Variants in FHIT observed in about 807,000 individuals in gnomAD.
FHIT encodes bis(5'-adenosyl)-triphosphatase.
In FHIT, 19 loss-of-function variants were observed where a neutral mutation model predicts 17.9. The ratio of observed to expected loss-of-function variants is 1.06; its 90% CI spans 0.74 to 1.56. The LOEUF is 1.56. Ranked by LOEUF, FHIT falls within the 40% of genes most tolerant of loss-of-function variation. The pLI is 0.00. For synonymous variants in FHIT, 81 were observed against 69.7 expected, an observed-to-expected ratio of 1.16 and a Z score of -0.81; for missense variants, 248 against 189.2, an observed-to-expected ratio of 1.31 and a Z score of -1.82.
chr3:60,170,481 ATCAT>A (rs1701369298), intron 5 of FHIT, among the ~76,000 whole-genome samples: 1 of 152,208 alleles, frequency 6.6e-6, no homozygotes, highest in Non-Finnish European at 1.5e-5. Context: ...ATGTGAAGAA[ATCAT>A]TCTAAGTACA....
chr3:60,230,462 G>A (rs1704439369), intron 5 of FHIT, among the ~76,000 whole-genome samples: 1 of 152,074 alleles, frequency 6.6e-6, no homozygotes, highest in Non-Finnish European at 1.5e-5. Flanking sequence ...TTGCTCTGGT[G>A]TAAAGATTTT....
At chr3:60,614,940 C>G (rs2038907970) in intron 4 of FHIT, among the ~76,000 whole-genome samples, 1 of 148,680 alleles carries the variant, frequency 6.7e-6, no homozygotes, top group Non-Finnish European at 1.5e-5. Context: ...AGCAATTCTC[C>G]TGCCTCAGTC....
chr3:60,841,812 AT>A (rs572116136), intron 3 of FHIT, among the ~76,000 whole-genome samples: 77 of 152,344 alleles, frequency 5.1e-4, no homozygotes, highest in African/African-American at 1.7e-3. Flanking sequence ...ATTTAAAAAA[AT>A]ATATACAAAT....
At chr3:60,244,358 T>C (rs1705284880) in intron 5 of FHIT, among the ~76,000 whole-genome samples, 1 of 152,030 alleles carries the variant, frequency 6.6e-6, no homozygotes, top group Non-Finnish European at 1.5e-5. Context: ...CACACAATTG[T>C]CACTTTCTAA....
intron 3 of FHIT, among the ~76,000 whole-genome samples, chr3:60,959,860 C>G (rs1553780115): frequency 6.7e-6 from 1 of 148,466 alleles, no homozygotes; most frequent in Non-Finnish European, 1.5e-5. Context: ...AGCCTGAGGG[C>G]AATTTTCATT....
chr3:60,010,848 G>C (rs577025237), intron 7 of FHIT, among the ~76,000 whole-genome samples: 3 of 151,974 alleles, frequency 2.0e-5, no homozygotes, highest in Admixed American at 2.0e-4. Flanking sequence ...TAAGTACACA[G>C]GGAGGAAAAG....
intron 3 of FHIT, among the ~76,000 whole-genome samples, chr3:60,906,909 T>G (rs906213533): frequency 2.0e-5 from 3 of 152,190 alleles, no homozygotes; most frequent in Admixed American, 2.0e-4. Flanking sequence ...TAAATTGTTC[T>G]GATTACACTG....
At chr3:60,001,227 C>T (rs1699718175) in intron 7 of FHIT, among the ~76,000 whole-genome samples, 1 of 152,184 alleles carries the variant, frequency 6.6e-6, no homozygotes, top group Non-Finnish European at 1.5e-5. Context: ...TCCACTTTAA[C>T]CCAGTGCCTG....
chr3:59,910,220 T>G (rs752675521), intron 8 of FHIT, among the ~76,000 whole-genome samples: 10 of 152,254 alleles, frequency 6.6e-5, no homozygotes, highest in Non-Finnish European at 1.3e-4. Context: ...ATGGGACAAC[T>G]TGAAGCAAAG....
chr3:60,290,230 A>G (rs1413313389), intron 5 of FHIT, among the ~76,000 whole-genome samples: 1 of 152,188 alleles, frequency 6.6e-6, no homozygotes, highest in African/African-American at 2.4e-5. Flanking sequence ...TTTGGGAAAG[A>G]GTACTGTGCT....
chr3:60,435,671 AAGTT>A (rs2030157522), intron 5 of FHIT, among the ~76,000 whole-genome samples: 1 of 152,058 alleles, frequency 6.6e-6, no homozygotes, highest in Admixed American at 6.6e-5. Context: ...TTTATATTGT[AAGTT>A]AAGGGGTACA....
chr3:61,162,970 T>C (rs1023792697), intron 2 of FHIT, among the ~76,000 whole-genome samples: 1 of 152,228 alleles, frequency 6.6e-6, no homozygotes, highest in African/African-American at 2.4e-5. Flanking sequence ...TTTCATTTTA[T>C]ATCAGTATGA....
At chr3:60,622,524 A>G (rs573010782) in intron 4 of FHIT, among the ~76,000 whole-genome samples, 1 of 152,306 alleles carries the variant, frequency 6.6e-6, no homozygotes, top group East Asian at 1.9e-4. Flanking sequence ...ACTATAACAA[A>G]ACAATCAGAA....
chr3:60,015,428 G>T (rs1700306053), intron 5 of FHIT, among the ~76,000 whole-genome samples: 2 of 152,176 alleles, frequency 1.3e-5, no homozygotes, highest in African/African-American at 4.8e-5. Flanking sequence ...TTCACCCACA[G>T]GGCATCTGAT....
At chr3:59,765,234 T>C (rs1045220602) in intron 8 of FHIT, among the ~76,000 whole-genome samples, 2 of 152,354 alleles carry the variant, frequency 1.3e-5, no homozygotes, top group Non-Finnish European at 2.9e-5. Flanking sequence ...GATTGGTTTT[T>C]AAAGGACAAC....
intron 4 of FHIT, among the ~76,000 whole-genome samples, chr3:60,707,485 G>A (rs1452102640): frequency 6.6e-6 from 1 of 152,056 alleles, no homozygotes; most frequent in Non-Finnish European, 1.5e-5. Flanking sequence ...GAATTTTCAT[G>A]GTTATTTTTA....
chr3:59,954,594 A>T (rs933466039), intron 7 of FHIT, among the ~76,000 whole-genome samples: 5 of 152,186 alleles, frequency 3.3e-5, no homozygotes, highest in Admixed American at 2.6e-4. Flanking sequence ...CTCCAGGTGG[A>T]GGAACAGCCT....
intron 4 of FHIT, among the ~76,000 whole-genome samples, chr3:60,749,290 G>C (rs1027601723): frequency 2.3e-5 from 3 of 131,968 alleles, no homozygotes; most frequent in African/African-American, 6.1e-5. Flanking sequence ...AGTCAAATAA[G>C]AGAAGCTCTG....
chr3:60,182,045 T>A (rs1701962721), intron 5 of FHIT, among the ~76,000 whole-genome samples: 1 of 152,194 alleles, frequency 6.6e-6, no homozygotes, highest in South Asian at 2.1e-4. Flanking sequence ...TGCAGAACTT[T>A]CTGAAAAAGG....
Sources: allele counts gnomAD v4.1 joint callset (sites outside exome capture counted in the v4.1 genomes callset), GRCh38; gene constraint gnomAD v4.1.1; transcripts MANE v1.5; gene names NCBI Gene and HGNC (gene_info 2026-07-23, HGNC 2026-07-21).